SMYD3: variants seen among roughly 807,000 people sequenced by gnomAD.
SMYD3 encodes the protein SET and MYND domain containing 3.
Under a neutral mutation model 57.7 loss-of-function variants are expected in SMYD3, and 36 were observed. The observed-to-expected ratio is 0.62, with a 90% CI of 0.48 to 0.82. SMYD3 has a LOEUF of 0.82. SMYD3 is among the 40% of genes least tolerant of loss of function. The pLI, the probability that SMYD3 is intolerant of heterozygous loss-of-function variation, is 0.00. For missense variants in SMYD3, 515 were observed against 538.8 expected, an observed-to-expected ratio of 0.96 and a Z score of 0.44; for synonymous variants, 211 against 195.0, an observed-to-expected ratio of 1.08 and a Z score of -0.68.
intron 10 of SMYD3, among the ~76,000 whole-genome samples, chr1:245,768,732 T>C (rs1307528457): frequency 6.6e-6 from 1 of 152,176 alleles, no homozygotes; most frequent in Non-Finnish European, 1.5e-5. Flanking sequence ...GTGTTCAGCT[T>C]GTTTGCCTTC....
intron 5 of SMYD3, among the ~76,000 whole-genome samples, chr1:246,324,426 A>C (rs1246406909): frequency 6.6e-6 from 1 of 151,636 alleles, no homozygotes; most frequent in Non-Finnish European, 1.5e-5. Flanking sequence ...CAAAAAAAAA[A>C]AAAAAAAAAA....
chr1:246,052,151 A>C (rs979320290), intron 5 of SMYD3, among the ~76,000 whole-genome samples: 2 of 152,228 alleles, frequency 1.3e-5, no homozygotes, highest in Admixed American at 6.5e-5. Flanking sequence ...GGGGGTTATA[A>C]AACAGCCCAT....
chr1:246,393,575 A>AT lies in SMYD3; in HGVS notation c.165-38482dup, dbSNP rs1572455525. ...TAGGCATAGAATTGCCTAGTGGCTC[A>AT]TACCTATAATCTTGGCACTTTGGGA... is the stretch of plus-strand genomic sequence containing the variant. On this transcript the variant is annotated intron_variant, in intron 1 of 11. Coordinates refer to ENST00000490107, the MANE Select transcript of SMYD3 (RefSeq NM_001167740.2). 2.6e-5 allele frequency among the ~76,000 whole-genome samples: 4 copies of AT among 151,092 alleles called. No individual in the cohort carries two copies. The East Asian group carries it at 7.8e-4, about 29-fold the overall frequency.
chr1:246,235,474 A>G (rs2063499580), intron 5 of SMYD3, among the ~76,000 whole-genome samples: 1 of 152,212 alleles, frequency 6.6e-6, no homozygotes, highest in Non-Finnish European at 1.5e-5. Context: ...ACCTAACTAT[A>G]AAAATAAACA....
intron 5 of SMYD3, among the ~76,000 whole-genome samples, chr1:245,955,610 A>G (rs1164670165): frequency 1.3e-5 from 2 of 152,182 alleles, no homozygotes; most frequent in Non-Finnish European, 2.9e-5. Flanking sequence ...GTATATTGTT[A>G]TAATTGTTCT....
intron 1 of SMYD3, among the ~76,000 whole-genome samples, chr1:246,438,816 C>T (rs2067419961): frequency 6.6e-6 from 1 of 151,372 alleles, no homozygotes; most frequent in South Asian, 2.1e-4. Context: ...GATTCTCATA[C>T]TGTGAGATCT....
At chr1:246,233,722 G>A (rs1572251975) in intron 5 of SMYD3, among the ~76,000 whole-genome samples, 2 of 133,942 alleles carry the variant, frequency 1.5e-5, no homozygotes, top group South Asian at 2.7e-4. Context: ...CCACACAGAG[G>A]AGAAGCACTC....
In SMYD3 at chr1:246,424,816, T is replaced by C. The variant is rs146896207; in HGVS notation, c.165-69722A>G. Among the ~76,000 whole-genome samples the C allele has an allele frequency of 7.2e-5, 11 of 152,344 alleles. No homozygotes were observed. In the East Asian group the frequency reaches 2.1e-3, roughly 29 times the overall value. ...AGTTATTTGCAAAATCGTTTTATCA[T>C]CTTTGGTTCATGGAACCATTATGTT... On this transcript the variant is annotated intron_variant, in intron 1 of 11. Transcript: ENST00000490107.
Position 245,952,248 on chromosome 1 carries a change from C to T in SMYD3, c.532-22311G>A, listed in dbSNP as rs370124121. ...AATTAACCAAAGCATTATCAATAAA[C>T]GACTAAAAAGCTGAAACGTAAGGAT... On this transcript the variant is annotated intron_variant, in intron 5 of 11. Coordinates refer to ENST00000490107, the MANE Select transcript of SMYD3 (RefSeq NM_001167740.2). Among the ~76,000 whole-genome samples the T allele has an allele frequency of 2.0e-4, 30 of 151,952 alleles. 1 individual carries two copies. The highest frequency in any genetic ancestry group is 6.3e-4 in the African/African-American group (26 of 41,440).
chr1:246,091,001 C>T (rs940764945), intron 5 of SMYD3, among the ~76,000 whole-genome samples: 1 of 152,180 alleles, frequency 6.6e-6, no homozygotes, highest in African/African-American at 2.4e-5. Flanking sequence ...AGCAGAGGAA[C>T]GGACTCCAAC....
At chr1:246,228,710 C>G (rs10802359) in intron 5 of SMYD3, among the ~76,000 whole-genome samples, 31,575 of 152,070 alleles carry the variant, frequency 0.21, 4,003 homozygotes, top group East Asian at 0.58. Context: ...CTATTCCTTT[C>G]TGTATAAGTT....
chr1:246,416,833 G>T (rs2067070491), intron 1 of SMYD3, among the ~76,000 whole-genome samples: 1 of 152,042 alleles, frequency 6.6e-6, no homozygotes, highest in African/African-American at 2.4e-5. Flanking sequence ...CACAGAGAGG[G>T]GCTCTCTCTG....
chr1:246,043,016 C>G (rs1038263416), intron 5 of SMYD3, among the ~76,000 whole-genome samples: 1 of 152,100 alleles, frequency 6.6e-6, no homozygotes, highest in African/African-American at 2.4e-5. Context: ...CCAGAACACA[C>G]TGGGAAATGT....
intron 5 of SMYD3, among the ~76,000 whole-genome samples, chr1:246,307,545 G>A (rs12409306): frequency 0.14 from 21,136 of 147,426 alleles, 1,449 homozygotes; most frequent in East Asian, 0.29. Flanking sequence ...TCAGCCTCCC[G>A]AGTAGCTGGG....
intron 5 of SMYD3, among the ~76,000 whole-genome samples, chr1:246,282,014 A>G (rs2064451665): frequency 6.6e-6 from 1 of 152,182 alleles, no homozygotes; most frequent in Non-Finnish European, 1.5e-5. Context: ...TGTTTTTGTA[A>G]CATATCTACA....
intron 5 of SMYD3, among the ~76,000 whole-genome samples, chr1:246,043,938 T>C (rs2059919885): frequency 6.6e-6 from 1 of 152,136 alleles, no homozygotes; most frequent in African/African-American, 2.4e-5. Flanking sequence ...CAGGGAAGCC[T>C]GTTCGCACAT....
At chr1:246,386,910 T>C (rs2066492652) in intron 1 of SMYD3, among the ~76,000 whole-genome samples, 1 of 152,128 alleles carries the variant, frequency 6.6e-6, no homozygotes, top group Non-Finnish European at 1.5e-5. Context: ...AAAAACCTTT[T>C]TGTGCACAGA....
At chr1:246,331,096 C>T (rs2065453179) in intron 3 of SMYD3, among the ~76,000 whole-genome samples, 1 of 152,068 alleles carries the variant, frequency 6.6e-6, no homozygotes, top group Admixed American at 6.5e-5. Flanking sequence ...GATTGTGCTA[C>T]TATACTCCAG....
At chr1:245,970,528 C>T (rs2058271875) in intron 5 of SMYD3, among the ~76,000 whole-genome samples, 2 of 152,206 alleles carry the variant, frequency 1.3e-5, no homozygotes, top group African/African-American at 4.8e-5. Flanking sequence ...AGGCAACCTA[C>T]AGAATGGGAG....
Sources: gnomAD v4.1 joint callset for allele counts (sites outside exome capture counted in the v4.1 genomes callset) on GRCh38, gnomAD v4.1.1 for gene constraint, MANE v1.5 for transcripts, NCBI Gene and HGNC (gene_info 2026-07-23, HGNC 2026-07-21) for gene names.